ERBB3: variants seen among roughly 807,000 people sequenced by gnomAD.
ERBB3 encodes the protein receptor tyrosine-protein kinase erbB-3.
A neutral mutation model predicts 156.7 loss-of-function variants in ERBB3; 96 were observed. The ratio of observed to expected loss-of-function variants is 0.61; its 90% CI spans 0.52 to 0.73. The LOEUF (loss-of-function observed/expected upper bound fraction) is 0.73, where lower values mean the gene tolerates loss of function less well. ERBB3 is among the 30% of genes least tolerant of loss of function. The probability of loss-of-function intolerance (pLI) is 0.00; values close to 1 mark genes in which losing one functional copy is unlikely to be tolerated. For missense variants in ERBB3, 1,406 were observed against 1,709.4 expected (o/e 0.82, Z 3.13); for synonymous variants, 567 against 632.0 (o/e 0.90, Z 1.54).
intron 23 of ERBB3, 83 bp downstream of exon 23, chr12:56,098,988 A>G (rs1045229669): frequency 1.5e-6 from 2 of 1,332,046 alleles, no homozygotes; most frequent in Non-Finnish European, 2.0e-6. Flanking sequence ...GAGTCTCACA[A>G]TTGTCACCCA....
Position 56,095,321 on chromosome 12 carries a change from G to A in ERBB3, c.1913+11G>A, listed in dbSNP as rs770517547. On this transcript the variant is annotated intron_variant, in intron 16 of 27. Coordinates refer to ENST00000267101, the MANE Select transcript of ERBB3 (RefSeq NM_001982.4). ...ACTGGTGCTGATCGGGTATGATGGG[G>A]TTGGAGATTCTGGAAACTGGGGATA... 11 of 1,611,468 alleles carry A rather than the reference G, an allele frequency of 6.8e-6. No individual in the cohort carries two copies. The highest frequency in any genetic ancestry group is 1.1e-5 in the South Asian group (1 of 90,998).
intron 3 of ERBB3, 141 bp downstream of exon 3, chr12:56,085,322 G>A: frequency 1.3e-6 from 2 of 1,536,646 alleles, no homozygotes; most frequent in Non-Finnish European, 1.8e-6. Flanking sequence ...AAGGTCCATT[G>A]CTCCCTAAGC....
chr12:56,091,633 G>C (rs897723190), intron 9 of ERBB3, among the ~76,000 whole-genome samples: 2 of 151,684 alleles, frequency 1.3e-5, no homozygotes, highest in Non-Finnish European at 2.9e-5. Flanking sequence ...CCGCTGCCAG[G>C]CTGGAGTTTG....
chr12:56,085,228 A>G, intron 3 of ERBB3, 47 bp downstream of exon 3: 3 of 1,613,948 alleles, frequency 1.9e-6, no homozygotes, highest in Non-Finnish European at 2.5e-6. Flanking sequence ...AGCCAGCCCA[A>G]GACTGGTACC....
Position 56,093,911 on chromosome 12 carries a change from GC to G in ERBB3, c.1613+17del. On this transcript the variant is annotated intron_variant, in intron 13 of 27. Coordinates refer to ENST00000267101, the MANE Select transcript of ERBB3 (RefSeq NM_001982.4). ...TTTCTGAATGGGTACAGTAAGGGGA[GC>G]CAGTCAAGGATGGGTGGGGGTGGGG... 1 of 1,613,884 alleles carries G rather than the reference GC, an allele frequency of 6.2e-7. No homozygotes were observed. Among genetic ancestry groups the G allele is most frequent in the Non-Finnish European group, 8.5e-7 (1 of 1,179,892 alleles).
Position 56,083,804 on chromosome 12 carries a change from T to C in ERBB3, c.136T>C (p.Tyr46His). 1 of 1,614,070 alleles carries C rather than the reference T, an allele frequency of 6.2e-7. No individual in the cohort carries two copies. The highest frequency in any genetic ancestry group is 8.5e-7 in the Non-Finnish European group (1 of 1,179,974). ...TGTGACCGGCGATGCTGAGAACCAATACCAGACACTGTACAAGCTCTACGA... is the reference window on the plus strand; with the variant it reads ...TGTGACCGGCGATGCTGAGAACCAACACCAGACACTGTACAAGCTCTACGA... ...LSVTGDAENQYQTLYKLYERC... is the reference protein window; with the variant it reads ...LSVTGDAENQHQTLYKLYERC... Residue 46 changes from tyrosine to histidine, a missense_variant, in exon 2 of 28, where the codon TAC becomes CAC. Physicochemically the swap from Tyr to His is moderately conservative, Grantham distance 83. This residue lies in a region of ERBB3 where 979 missense variants were observed against 1,219.6 expected (regional missense o/e 0.80). Transcript: ENST00000267101.
intron 1 of ERBB3, 169 bp from the exon 2 acceptor site, chr12:56,083,582 G>A: frequency 1.4e-6 from 1 of 722,832 alleles, no homozygotes; most frequent in South Asian, 1.5e-5. Context: ...AAAGCTCTCA[G>A]GCCACTACAG....
intron 17 of ERBB3, chr12:56,096,195 C>A (rs1868883365): frequency 1.9e-6 from 1 of 522,130 alleles, no homozygotes; most frequent in African/African-American, 1.9e-5. Flanking sequence ...GCACAGAGCA[C>A]TGTATAAAAG....
In ERBB3 at chr12:56,102,862, C is replaced by T. The variant is rs1869171070; in HGVS notation, c.*807C>T. The T allele has an allele frequency of 4.9e-6, 1 of 204,538 alleles. No individual in the cohort carries two copies. The highest frequency in any genetic ancestry group is 6.4e-5 in the Admixed American group (1 of 15,740). The allele number at this position is 204,538 out of a possible 1,614,324, so 12.7% of individuals were successfully genotyped here. A position where few individuals can be genotyped will look rare whatever the true frequency, so the allele number is the denominator to read the frequency against. ...TTAGAACTGGGTGCAGTGGCTCATG[C>T]CTGTAATCCCAGCCAGCACTTTGGG... On this transcript the variant is annotated 3_prime_UTR_variant, in exon 28 of 28. Transcript: ENST00000267101.
intron 23 of ERBB3, chr12:56,099,130 A>T: frequency 1.7e-6 from 1 of 574,072 alleles, no homozygotes; most frequent in Non-Finnish European, 3.1e-6. Context: ...TAACTGTTAC[A>T]CTTTTAGTAG....
chr12:56,099,792 G>T (rs752186697), intron 24 of ERBB3, 46 bp from the exon 25 acceptor site: 1 of 1,612,788 alleles, frequency 6.2e-7, no homozygotes, highest in South Asian at 1.1e-5. Flanking sequence ...AAAAGGAGGA[G>T]TTGGCTGGAA....
At chr12:56,088,188 T>C in intron 7 of ERBB3, 26 bp downstream of exon 7, 1 of 1,612,894 alleles carries the variant, frequency 6.2e-7, no homozygotes, top group Non-Finnish European at 8.5e-7. Flanking sequence ...GAAGGAACAA[T>C]GATCAACAAT....
intron 17 of ERBB3, 191 bp from the exon 18 acceptor site, chr12:56,096,312 T>A (rs937814463): frequency 3.0e-6 from 2 of 676,974 alleles, no homozygotes; most frequent in Non-Finnish European, 5.1e-6. Flanking sequence ...CCTGATCTCA[T>A]GAGCACAAAT....
At chr12:56,098,681 A>G (rs1486792392) in intron 22 of ERBB3, 78 bp from the exon 23 acceptor site, 1 of 1,592,532 alleles carries the variant, frequency 6.3e-7, no homozygotes, top group Admixed American at 1.7e-5. Context: ...TTTGTGTTAG[A>G]TCAGGTTCTG....
In ERBB3 at chr12:56,097,082, T is replaced by A; in HGVS notation, c.2312T>A (p.Ile771Asn). Reference sequence around the variant, plus strand: ...ATTGGCAGCCTGGACCATGCCCACATTGTAAGGCTGCTGGGACTATGCCCA... The same window carrying A: ...ATTGGCAGCCTGGACCATGCCCACAATGTAAGGCTGCTGGGACTATGCCCA... ...LAIGSLDHAHIVRLLGLCPGS... is the reference protein window; with the variant it reads ...LAIGSLDHAHNVRLLGLCPGS... Residue 771 changes from isoleucine to asparagine, a missense_variant, in exon 20 of 28, where the codon ATT becomes AAT. Around this residue, in one of 3 missense-constraint regions of ERBB3, gnomAD observed 979 missense variants for 1,219.6 expected, o/e 0.80. Transcript: ENST00000267101. 1 of 1,614,144 alleles carries A rather than the reference T, an allele frequency of 6.2e-7. No homozygotes were observed. The highest frequency in any genetic ancestry group is 8.5e-7 in the Non-Finnish European group (1 of 1,180,020).
Position 56,101,755 on chromosome 12 carries a change from C to G in ERBB3, c.3729C>G (p.Leu1243=). 6.2e-7 allele frequency: 1 copy of G among 1,613,764 alleles called. No homozygotes were observed. The highest frequency in any genetic ancestry group is 8.5e-7 in the Non-Finnish European group (1 of 1,179,946). Residue 1243 remains leucine (L), a synonymous_variant, in exon 28 of 28, where the codon CTC becomes CTG. Transcript: ENST00000267101. The part of the protein sequence containing the change: ...ASLGSTQSCP[L]HPVPIMPTAG... ...TGGGCAGCACACAGAGTTGCCCACT[C>G]CACCCTGTACCCATCATGCCCACTG...
At chr12:56,096,396 C>A in intron 17 of ERBB3, 107 bp from the exon 18 acceptor site, 1 of 1,411,258 alleles carries the variant, frequency 7.1e-7, no homozygotes, top group South Asian at 1.2e-5. Flanking sequence ...GCTTCCTCTT[C>A]CTGCCCTTTC....
chr12:56,082,802 T>C (rs1457679749), intron 1 of ERBB3, among the ~76,000 whole-genome samples: 2 of 152,118 alleles, frequency 1.3e-5, no homozygotes, highest in African/African-American at 4.8e-5. Context: ...TCTCCCCTAG[T>C]GTGGGTGAGG....
chr12:56,102,992 T>A lies in ERBB3; in HGVS notation c.*937T>A, dbSNP rs1869177358. On this transcript the variant is annotated 3_prime_UTR_variant, in exon 28 of 28. Coordinates refer to ENST00000267101, the MANE Select transcript of ERBB3 (RefSeq NM_001982.4). ...GGAAAAAAAAAAAAGAAACTGAGCC[T>A]TAAAGAGATGAAATAAATTAAGCAG... 1 of 229,088 alleles carries A rather than the reference T, an allele frequency of 4.4e-6. No individual in the cohort carries two copies. The allele number at this position is 229,088 out of a possible 1,614,324, so 14.2% of individuals were successfully genotyped here.
Sources: gnomAD v4.1 joint callset for allele counts (sites outside exome capture counted in the v4.1 genomes callset) on GRCh38, gnomAD v4.1.1 for gene constraint, gnomAD v4.1.1 regional missense constraint, MANE v1.5 for transcripts, NCBI Gene and HGNC (gene_info 2026-07-23, HGNC 2026-07-21) for gene names.